The following ECHDC1 variants were observed in gnomAD, a reference collection of about 807,000 sequenced individuals.
ECHDC1 encodes the protein ethylmalonyl-CoA decarboxylase 1.
A neutral mutation model predicts 29.7 loss-of-function variants in ECHDC1; 29 were observed. The observed-to-expected ratio is 0.98, with a 90% CI of 0.73 to 1.33. The LOEUF is 1.33. Among genes scored for constraint, ECHDC1 ranks in the 40% most tolerant of loss-of-function variants. The probability of loss-of-function intolerance (pLI) is 0.00; values close to 1 mark genes in which losing one functional copy is unlikely to be tolerated. For synonymous variants in ECHDC1, 126 were observed against 123.1 expected (o/e 1.02, Z -0.15); for missense variants, 328 against 350.0 (o/e 0.94, Z 0.50).
intron 5 of ECHDC1, among the ~76,000 whole-genome samples, chr6:127,296,840 AC>A (rs1324794341): frequency 6.6e-6 from 1 of 152,062 alleles, no homozygotes; most frequent in Non-Finnish European, 1.5e-5. Context: ...CCCCGTCTCT[AC>A]AAAAAATACA....
intron 3 of ECHDC1, among the ~76,000 whole-genome samples, chr6:127,317,444 A>T (rs913971883): frequency 2.0e-5 from 3 of 152,180 alleles, no homozygotes; most frequent in Non-Finnish European, 4.4e-5. Context: ...AACTGAAAGT[A>T]AAAGAACTGA....
At position 127,330,995 on chromosome 6, in the gene ECHDC1, A is replaced by G; in HGVS notation, c.34T>C (p.Ser12Pro). Residue 12 changes from serine to proline, a missense_variant, in exon 2 of 6, where the codon TCT becomes CCT. Ser to Pro is a moderately conservative substitution (Grantham distance 74, BLOSUM62 -1). Coordinates refer to ENST00000454859, the MANE Select transcript of ECHDC1 (RefSeq NM_001002030.2). ...AKSLLKTASL[S>P]GRTKLLHQTG... ...TGATGTAGCAATTTTGTCCTTCCAG[A>G]CAGAGAGGCTGTCTTCAAAAGACTT... 6.2e-7 allele frequency: 1 copy of G among 1,613,798 alleles called. No homozygotes were observed. The highest frequency in any genetic ancestry group is 8.5e-7 in the Non-Finnish European group (1 of 1,180,032).
intron 1 of ECHDC1, among the ~76,000 whole-genome samples, chr6:127,339,663 C>T (rs1583022747): frequency 6.6e-6 from 1 of 151,302 alleles, no homozygotes; most frequent in South Asian, 2.1e-4. Context: ...ATCCTAGTTA[C>T]TCAGGAGGCT....
rs560205167 is a variant in ECHDC1 at position 127,303,378 on chromosome 6, C to G, written c.497+11438G>C. Among the ~76,000 whole-genome samples the G allele has an allele frequency of 3.9e-5, 6 of 152,220 alleles. No homozygotes were observed. The South Asian group carries it at 1.2e-3, about 32-fold the overall frequency. ...CTTGAAGGAAATTCAAAGTGCTAATCCAGTGAACACATGAATAATAAGGAA... is the reference window on the plus strand; with the variant it reads ...CTTGAAGGAAATTCAAAGTGCTAATGCAGTGAACACATGAATAATAAGGAA... On this transcript the variant is annotated intron_variant, in intron 5 of 5. Transcript: ENST00000454859.
chr6:127,340,848 G>A (rs1784877418), intron 1 of ECHDC1, among the ~76,000 whole-genome samples: 1 of 151,708 alleles, frequency 6.6e-6, no homozygotes, highest in Non-Finnish European at 1.5e-5. Context: ...TTAGCATTTT[G>A]TGGGAAAGTA....
intron 4 of ECHDC1, chr6:127,315,916 T>C (rs1368725210): frequency 6.4e-6 from 3 of 469,688 alleles, no homozygotes; most frequent in Non-Finnish European, 1.3e-5. Flanking sequence ...ACATGTCAGT[T>C]TGTAACCTCA....
chr6:127,294,838 CA>C (rs1780465647), intron 5 of ECHDC1: 1 of 109,554 alleles, frequency 9.1e-6, no homozygotes, highest in Non-Finnish European at 1.8e-5. Context: ...AAGTTACTTC[CA>C]AATCAAAAAT....
chr6:127,290,657 T>A (rs1322537044), intron 5 of ECHDC1, among the ~76,000 whole-genome samples: 2 of 152,002 alleles, frequency 1.3e-5, no homozygotes, highest in African/African-American at 4.8e-5. Flanking sequence ...AAGTTAAGGT[T>A]CTCAAAAGTC....
At chr6:127,327,255 A>G (rs1783436378) in intron 2 of ECHDC1, 111 bp from the exon 3 acceptor site, 3 of 1,210,236 alleles carry the variant, frequency 2.5e-6, no homozygotes, top group Admixed American at 2.6e-5. Context: ...TATTTTATAA[A>G]TATTTACTGA....
intron 2 of ECHDC1, among the ~76,000 whole-genome samples, 165 bp downstream of exon 2, chr6:127,330,644 T>C (rs925688946): frequency 4.6e-5 from 7 of 152,214 alleles, no homozygotes; most frequent in African/African-American, 9.6e-5. Flanking sequence ...TTACTTAAAG[T>C]GTTTCTAGTT....
At chr6:127,300,972 G>A (rs1400025058) in intron 5 of ECHDC1, among the ~76,000 whole-genome samples, 2 of 130,554 alleles carry the variant, frequency 1.5e-5, no homozygotes, top group Non-Finnish European at 3.3e-5. Context: ...TTGTCAAGGT[G>A]GATTAAAAAA....
chr6:127,305,675 AT>A (rs1781385157), intron 5 of ECHDC1, among the ~76,000 whole-genome samples: 1 of 152,182 alleles, frequency 6.6e-6, no homozygotes, highest in African/African-American at 2.4e-5. Context: ...TAAAGTTTTT[AT>A]TATTTTCTTT....
chr6:127,317,751 C>T (rs1782511541), intron 3 of ECHDC1: 1 of 152,122 alleles, frequency 6.6e-6, no homozygotes, highest in Admixed American at 6.6e-5. Flanking sequence ...CAGTTAGTTA[C>T]CAAGTACTTC....
intron 3 of ECHDC1, among the ~76,000 whole-genome samples, chr6:127,323,328 T>C (rs1783004997): frequency 6.6e-6 from 1 of 152,058 alleles, no homozygotes; most frequent in Admixed American, 6.6e-5. Context: ...GAGGGAAAAA[T>C]CCGTCTTTTC....
At chr6:127,314,025 C>T (rs1321061360) in intron 5 of ECHDC1, among the ~76,000 whole-genome samples, 1 of 152,156 alleles carries the variant, frequency 6.6e-6, no homozygotes, top group Non-Finnish European at 1.5e-5. Flanking sequence ...CCTAGGTCTA[C>T]TAGACGTCAG....
chr6:127,306,009 T>A (rs558159465), intron 5 of ECHDC1, among the ~76,000 whole-genome samples: 6 of 136,606 alleles, frequency 4.4e-5, no homozygotes, highest in East Asian at 4.3e-4. Context: ...GACTGGTTGA[T>A]AGATTAAAAA....
intron 1 of ECHDC1, among the ~76,000 whole-genome samples, chr6:127,337,728 T>G (rs144028215): frequency 2.0e-5 from 3 of 152,298 alleles, no homozygotes; most frequent in African/African-American, 4.8e-5. Context: ...AACACCTATA[T>G]TCTCATGACA....
intron 1 of ECHDC1, among the ~76,000 whole-genome samples, chr6:127,341,200 T>C (rs1450533666): frequency 6.6e-6 from 1 of 152,174 alleles, no homozygotes; most frequent in Non-Finnish European, 1.5e-5. Context: ...CTTATATTCC[T>C]TGTCTGTGCC....
intron 5 of ECHDC1, among the ~76,000 whole-genome samples, chr6:127,290,822 G>A (rs1780103528): frequency 6.6e-6 from 1 of 152,022 alleles, no homozygotes; most frequent in Admixed American, 6.6e-5. Flanking sequence ...TGGAGAGAAA[G>A]GCATTAAACC....
Sources: allele counts gnomAD v4.1 joint callset (sites outside exome capture counted in the v4.1 genomes callset), GRCh38; gene constraint gnomAD v4.1.1; transcripts MANE v1.5; gene names NCBI Gene and HGNC (gene_info 2026-07-23, HGNC 2026-07-21).